The following DPYD variants were observed in gnomAD, a reference collection of about 807,000 sequenced individuals.
DPYD encodes the protein dihydropyrimidine dehydrogenase.
In DPYD, 109 loss-of-function variants were observed where a neutral mutation model predicts 116.2. That is an observed-to-expected ratio of 0.94 (90% CI 0.80 to 1.10). The LOEUF (loss-of-function observed/expected upper bound fraction) is 1.10. DPYD is among the 50% of genes least tolerant of loss of function. The pLI is 0.00. For missense variants in DPYD, 1,302 were observed against 1,254.5 expected (o/e 1.04, Z -0.57); for synonymous variants, 440 against 432.0 (o/e 1.02, Z -0.23).
At chr1:97,648,726 T>C (rs1162170205) in intron 8 of DPYD, among the ~76,000 whole-genome samples, 1 of 152,054 alleles carries the variant, frequency 6.6e-6, no homozygotes, top group African/African-American at 2.4e-5. Context: ...CTGTGTGAAA[T>C]CATTTAATCC....
rs753958842 is a variant in DPYD, at chr1:97,721,424, A to T, written c.483+86T>A. The T allele has an allele frequency of 1.0e-4, 160 of 1,532,370 alleles. 1 individual carries two copies. In the East Asian group the frequency reaches 2.5e-3, roughly 24 times the overall value. The allele number at this position is 1,532,370 out of a possible 1,614,324, so 94.9% of individuals were successfully genotyped here. ...TGTCACACTAAAAATGTTGGGTATC[A>T]ACAGAGCACCAAGGATTAAAGTTAT... On this transcript the variant is annotated intron_variant, in intron 5 of 22. Transcript: ENST00000370192.
At chr1:97,642,920 A>C (rs1372517889) in intron 8 of DPYD, among the ~76,000 whole-genome samples, 2 of 151,668 alleles carry the variant, frequency 1.3e-5, no homozygotes, top group African/African-American at 4.8e-5. Flanking sequence ...AATTAAATTA[A>C]GTTACATTAA....
intron 3 of DPYD, among the ~76,000 whole-genome samples, chr1:97,753,437 C>T (rs1362144086): frequency 6.6e-6 from 1 of 152,114 alleles, no homozygotes. Flanking sequence ...GGACTCTTAT[C>T]CAGGTTTGAC....
intron 12 of DPYD, among the ~76,000 whole-genome samples, chr1:97,534,408 C>G (rs144525542): frequency 1.2e-4 from 19 of 152,106 alleles, no homozygotes; most frequent in Non-Finnish European, 2.2e-4. Flanking sequence ...ACATGCTCAG[C>G]TGGAACTCAA....
intron 15 of DPYD, among the ~76,000 whole-genome samples, chr1:97,377,236 T>G (rs1045479529): frequency 2.0e-5 from 3 of 152,084 alleles, no homozygotes; most frequent in Admixed American, 2.0e-4. Flanking sequence ...GAAAGTTTAT[T>G]TTTTACAGTT....
intron 20 of DPYD, among the ~76,000 whole-genome samples, chr1:97,122,102 T>C (rs1652484867): frequency 6.6e-6 from 1 of 152,184 alleles, no homozygotes; most frequent in Non-Finnish European, 1.5e-5. Context: ...GAGAATGCTG[T>C]TAAGGGAAGC....
At chr1:97,668,580 T>C (rs1659690616) in intron 8 of DPYD, among the ~76,000 whole-genome samples, 1 of 152,126 alleles carries the variant, frequency 6.6e-6, no homozygotes, top group Non-Finnish European at 1.5e-5. Flanking sequence ...GCTAGGTATA[T>C]TGCAGAAGCT....
At chr1:97,221,636 T>C (rs964857980) in intron 19 of DPYD, among the ~76,000 whole-genome samples, 17 of 152,084 alleles carry the variant, frequency 1.1e-4, no homozygotes, top group African/African-American at 3.9e-4. Context: ...CTATAAAACA[T>C]TGAAAAAATT....
chr1:97,130,310 C>T (rs1256380898), intron 20 of DPYD, among the ~76,000 whole-genome samples: 2 of 152,088 alleles, frequency 1.3e-5, no homozygotes, highest in African/African-American at 2.4e-5. Flanking sequence ...GCATTTGTAT[C>T]AGAGATGTGG....
chr1:97,341,720 T>C (rs1669596696), intron 16 of DPYD, among the ~76,000 whole-genome samples: 1 of 152,196 alleles, frequency 6.6e-6, no homozygotes, highest in South Asian at 2.1e-4. Flanking sequence ...TCTGTTTTTC[T>C]CCTTAAGGAA....
At chr1:97,615,895 T>C (rs1286916894) in intron 8 of DPYD, among the ~76,000 whole-genome samples, 2 of 152,116 alleles carry the variant, frequency 1.3e-5, no homozygotes, top group Non-Finnish European at 2.9e-5. Context: ...TTCCCCTTCA[T>C]TACCCCTGAG....
chr1:97,766,188 C>A (rs936146966), intron 3 of DPYD, among the ~76,000 whole-genome samples: 1 of 151,984 alleles, frequency 6.6e-6, no homozygotes, highest in African/African-American at 2.4e-5. Context: ...TTATGGTGAG[C>A]CGAGATTGCG....
intron 14 of DPYD, among the ~76,000 whole-genome samples, chr1:97,435,802 T>C (rs934845190): frequency 6.6e-6 from 1 of 151,810 alleles, no homozygotes; most frequent in African/African-American, 2.4e-5. Context: ...GAGTATTCCC[T>C]GTAGGGTACA....
chr1:97,249,234 C>T (rs1035109224), intron 18 of DPYD, among the ~76,000 whole-genome samples: 13 of 151,482 alleles, frequency 8.6e-5, no homozygotes, highest in Non-Finnish European at 1.3e-4. Context: ...TTAGAATATA[C>T]GACAAATAAG....
intron 8 of DPYD, among the ~76,000 whole-genome samples, chr1:97,657,391 T>A (rs1298953100): frequency 6.6e-6 from 1 of 152,194 alleles, no homozygotes; most frequent in Non-Finnish European, 1.5e-5. Flanking sequence ...ATATTAAAAT[T>A]TGTATTTTTA....
intron 4 of DPYD, among the ~76,000 whole-genome samples, chr1:97,731,400 T>A (rs1028873958): frequency 6.6e-6 from 1 of 152,128 alleles, no homozygotes; most frequent in Non-Finnish European, 1.5e-5. Context: ...AATTTTAATT[T>A]TTCAAAGTAG....
At chr1:97,350,289 T>C (rs1670077202) in intron 16 of DPYD, among the ~76,000 whole-genome samples, 1 of 152,190 alleles carries the variant, frequency 6.6e-6, no homozygotes, top group Non-Finnish European at 1.5e-5. Flanking sequence ...GTCCAAAATG[T>C]CTTATTTAAA....
chr1:97,906,259 A>T (rs145455186), intron 1 of DPYD, among the ~76,000 whole-genome samples: 76 of 152,202 alleles, frequency 5.0e-4, no homozygotes, highest in African/African-American at 1.6e-3. Context: ...TCATTTATTA[A>T]ATATAATCTA....
At position 97,173,372 on chromosome 1, in the gene DPYD, ATGTG is replaced by A. The variant is rs543385604; in HGVS notation, c.2622+19693_2622+19696del. On this transcript the variant is annotated intron_variant, in intron 20 of 22. Coordinates refer to ENST00000370192, the MANE Select transcript of DPYD (RefSeq NM_000110.4). ...CACATATATGTACATATATACATATATGTGTGTATATACGTACATATATGTGTGT... is the reference window on the plus strand; with the variant it reads ...CACATATATGTACATATATACATATATGTATATACGTACATATATGTGTGT... 1.0e-3 allele frequency among the ~76,000 whole-genome samples: 156 copies of A among 150,238 alleles called. No individual in the cohort carries two copies. In the South Asian group the frequency reaches 0.018, roughly 17 times the overall value.
Sources: allele counts gnomAD v4.1 joint callset (sites outside exome capture counted in the v4.1 genomes callset), GRCh38; gene constraint gnomAD v4.1.1; transcripts MANE v1.5; gene names NCBI Gene and HGNC (gene_info 2026-07-23, HGNC 2026-07-21).